SARDH: variants seen among roughly 807,000 people sequenced by gnomAD.
SARDH encodes sarcosine dehydrogenase, also known as sarcosine dehydrogenase, mitochondrial.
SARDH carries 95 observed loss-of-function variants against 109.1 expected under a neutral mutation model. That is an observed-to-expected ratio of 0.87 (90% confidence interval 0.74 to 1.03). The LOEUF (loss-of-function observed/expected upper bound fraction) is 1.03. SARDH is among the 50% of genes least tolerant of loss of function. The probability of loss-of-function intolerance (pLI) is 0.00; values close to 1 mark genes in which losing one functional copy is unlikely to be tolerated. For missense variants in SARDH, 1,267 were observed against 1,287.8 expected, an observed-to-expected ratio of 0.98 and a Z score of 0.25; for synonymous variants, 572 against 534.8, an observed-to-expected ratio of 1.07 and a Z score of -0.96.
At chr9:133,672,172 T>C (rs1830374209) in intron 17 of SARDH, among the ~76,000 whole-genome samples, 1 of 152,168 alleles carries the variant, frequency 6.6e-6, no homozygotes, top group Non-Finnish European at 1.5e-5. Context: ...CGGCACCCCT[T>C]GGCTTGTGGC....
intron 13 of SARDH, among the ~76,000 whole-genome samples, chr9:133,698,009 T>TAAAAAAAAAAAAAAAAA (rs371381068): frequency 4.2e-5 from 4 of 95,700 alleles, no homozygotes; most frequent in East Asian, 3.1e-4. Flanking sequence ...AGGAATCCAC[T>TAAAAAAAAAAAAAAAAA]AAAAAAAAAA....
chr9:133,664,448 G>A (rs1213231536), intron 20 of SARDH, among the ~76,000 whole-genome samples: 3 of 152,204 alleles, frequency 2.0e-5, no homozygotes, highest in Non-Finnish European at 4.4e-5. Context: ...CTTGGCCTCT[G>A]CATGCTCCCC....
At position 133,666,693 on chromosome 9, in the gene SARDH, G is replaced by T; in HGVS notation, c.2631+42C>A. On this transcript the variant is annotated intron_variant, in intron 20 of 20. Coordinates refer to ENST00000439388, the MANE Select transcript of SARDH (RefSeq NM_001134707.2). This position sits in a 1 kb window ranked among gnomAD's most constrained non-coding sequence, Gnocchi z 5.2. ...AGGGAGCTGGTTTGGAGCTGGTGAG[G>T]GATCGGCATCTGCCTTAGCAGGGCC... 6.4e-7 allele frequency: 1 copy of T among 1,559,974 alleles called. No individual in the cohort carries two copies. Among genetic ancestry groups the T allele is most frequent in the Non-Finnish European group, 8.7e-7 (1 of 1,152,152 alleles).
At chr9:133,708,250 C>T (rs759588501) in intron 11 of SARDH, 37 bp downstream of exon 11, 4 of 1,593,334 alleles carry the variant, frequency 2.5e-6, no homozygotes, top group East Asian at 2.2e-5. Flanking sequence ...CCCAGACCCT[C>T]GCTGCCAGTC....
At chr9:133,701,701 G>C (rs1190449896) in intron 13 of SARDH, among the ~76,000 whole-genome samples, 1 of 152,222 alleles carries the variant, frequency 6.6e-6, no homozygotes, top group East Asian at 1.9e-4. Flanking sequence ...CTCGGGCACT[G>C]AGCCGGCCCT....
In SARDH at chr9:133,708,269, G is replaced by A; in HGVS notation, c.1470+18C>T. 1.2e-6 allele frequency: 2 copies of A among 1,606,540 alleles called. No individual in the cohort carries two copies. Among genetic ancestry groups the A allele is most frequent in the Non-Finnish European group, 1.7e-6 (2 of 1,176,098 alleles). ...GACCCTCGCTGCCAGTCCCCAGCAG[G>A]AGCTGTAGGGGCGTTACCTCGTGCA... is the stretch of plus-strand genomic sequence containing the variant. On this transcript the variant is annotated intron_variant, in intron 11 of 20. Coordinates refer to ENST00000439388, the MANE Select transcript of SARDH (RefSeq NM_001134707.2).
rs1830872921 is a variant in SARDH, at chr9:133,686,037, A to T, written c.2070-751T>A. ...CATTTCAACCTCCTAGGGGACTGTC[A>T]CCTACCGAGGGCAGGGCTGCACCTG... On this transcript the variant is annotated intron_variant, in intron 16 of 20. Transcript: ENST00000439388. This position sits in a 1 kb window ranked among gnomAD's most constrained non-coding sequence, Gnocchi z 4.0. Among the ~76,000 whole-genome samples, 1 of 152,040 alleles carries T rather than the reference A, an allele frequency of 6.6e-6. No individual in the cohort carries two copies. Among genetic ancestry groups the T allele is most frequent in the African/African-American group, 2.4e-5 (1 of 41,394 alleles).
In SARDH at chr9:133,694,313, A is replaced by AGTC. The variant is rs1831206604; in HGVS notation, c.1863_1865dup (p.Thr622dup). 6.4e-7 allele frequency: 1 copy of AGTC among 1,550,608 alleles called. No individual in the cohort carries two copies. Among genetic ancestry groups the AGTC allele is most frequent in the African/African-American group, 1.4e-5 (1 of 73,156 alleles). On this transcript the variant is annotated inframe_insertion, in exon 15 of 21. Transcript: ENST00000439388. ...GGTGGCTGGGTGCCAGGCGGCTGACAGTCAGGTCACTCTCGGTGCCCCCAC... is the reference window on the plus strand; with the variant it reads ...GGTGGCTGGGTGCCAGGCGGCTGACAGTCGTCAGGTCACTCTCGGTGCCCCCAC...
At chr9:133,727,101 C>T (rs1466292391) in intron 6 of SARDH, among the ~76,000 whole-genome samples, 1 of 152,180 alleles carries the variant, frequency 6.6e-6, no homozygotes, top group Non-Finnish European at 1.5e-5. Context: ...CAAAAGTACG[C>T]CAGAGCACGA....
At chr9:133,696,172 G>C in intron 14 of SARDH, 51 bp downstream of exon 14, 1 of 1,605,998 alleles carries the variant, frequency 6.2e-7, no homozygotes, top group South Asian at 1.1e-5. Flanking sequence ...AGTGCCTGAG[G>C]CTGTGCCCAT....
chr9:133,695,441 TCAAAA>T (rs950975431), intron 14 of SARDH, among the ~76,000 whole-genome samples: 4 of 152,098 alleles, frequency 2.6e-5, no homozygotes, highest in African/African-American at 4.8e-5. Context: ...AGACTCCGTC[TCAAAA>T]CAAAACAAAA....
chr9:133,708,170 C>A (rs969708709), intron 11 of SARDH, 117 bp downstream of exon 11: 1 of 1,249,186 alleles, frequency 8.0e-7, no homozygotes, highest in Non-Finnish European at 1.1e-6. Flanking sequence ...TGACAGACAC[C>A]TTGTCACCGC....
chr9:133,663,885 G>A lies in SARDH; in HGVS notation c.*4C>T, dbSNP rs1319881605. On this transcript the variant is annotated 3_prime_UTR_variant, in exon 21 of 21. Coordinates refer to ENST00000439388, the MANE Select transcript of SARDH (RefSeq NM_001134707.2). ...GCATGGGATGGGGCATGTGGTCTGA[G>A]CCCTCAGTAGATTCCCTTCACCCTC... 2 of 1,614,100 alleles carry A rather than the reference G, an allele frequency of 1.2e-6. No homozygotes were observed. The highest frequency in any genetic ancestry group is 1.7e-6 in the Non-Finnish European group (2 of 1,179,966).
At chr9:133,673,273 C>T (rs1319248383) in intron 17 of SARDH, among the ~76,000 whole-genome samples, 1 of 152,284 alleles carries the variant, frequency 6.6e-6, no homozygotes, top group African/African-American at 2.4e-5. Flanking sequence ...TAACTGGAGT[C>T]TGCGTCCTCA....
At chr9:133,677,595 A>G (rs1830561424) in intron 17 of SARDH, among the ~76,000 whole-genome samples, 1 of 152,218 alleles carries the variant, frequency 6.6e-6, no homozygotes, top group African/African-American at 2.4e-5. Context: ...CTGGAGTGAC[A>G]TGTCTGTTAT....
chr9:133,717,432 G>A lies in SARDH; in HGVS notation c.1044C>T (p.Gly348=), dbSNP rs777999383. 3.7e-6 allele frequency: 6 copies of A among 1,613,978 alleles called. No homozygotes were observed. In the African/African-American group the frequency reaches 5.3e-5, roughly 14 times the overall value. The change falls in exon 8 of 21, where the codon GGC becomes GGT. Residue 348 remains glycine, a synonymous_variant. Transcript: ENST00000439388. ...ACACCTCCCAGTCCAGGTCAAAGAG[G>A]CCGAAGGCAAACTTGTCTGACACCT... ...WEEVSDKFAF[G]LFDLDWEVFT...
intron 14 of SARDH, among the ~76,000 whole-genome samples, chr9:133,695,385 G>T (rs1831246617): frequency 6.6e-6 from 1 of 152,248 alleles, no homozygotes; most frequent in South Asian, 2.1e-4. Flanking sequence ...GGAGGTTGCA[G>T]TGAGCTGAGA....
chr9:133,712,630 G>A lies in SARDH; in HGVS notation c.1317C>T (p.Gly439=). ...CAATGGGCACTTACCTGATGTCATA[G>A]CCATGCATGTCCTTCTCCGGGCGCC... is the stretch of plus-strand genomic sequence containing the variant. The part of the protein sequence containing the change: ...IHGRPEKDMH[G]YDIRRFHHSL... The change falls in exon 10 of 21, where the codon GGC becomes GGT. Residue 439 remains glycine (G), a synonymous_variant. Transcript: ENST00000439388. This position sits in a 1 kb window ranked among gnomAD's most constrained non-coding sequence, Gnocchi z 4.1. 6.2e-7 allele frequency: 1 copy of A among 1,609,212 alleles called. No homozygotes were observed. Among genetic ancestry groups the A allele is most frequent in the African/African-American group, 1.3e-5 (1 of 75,008 alleles).
intron 16 of SARDH, among the ~76,000 whole-genome samples, chr9:133,688,781 G>A (rs1356542509): frequency 6.6e-6 from 1 of 152,256 alleles, no homozygotes; most frequent in Admixed American, 6.5e-5. Flanking sequence ...TGGGTCACTC[G>A]TTTCCTGCAG....
Sources: allele counts gnomAD v4.1 joint callset (sites outside exome capture counted in the v4.1 genomes callset), GRCh38; gene constraint gnomAD v4.1.1; non-coding constraint Gnocchi (gnomAD v3.1); transcripts MANE v1.5; gene names NCBI Gene and HGNC (gene_info 2026-07-23, HGNC 2026-07-21).